The following CCDC7 variants were observed in gnomAD, a reference collection of about 807,000 sequenced individuals.
The protein encoded by CCDC7 is coiled-coil domain containing 7.
CCDC7 carries 183 observed loss-of-function variants against 196.9 expected under a neutral mutation model. The ratio of observed to expected loss-of-function variants is 0.93; its 90% confidence interval spans 0.82 to 1.05. CCDC7 has a LOEUF of 1.05. Among genes scored for constraint, CCDC7 ranks in the 50% least tolerant of loss-of-function variants. The pLI, the probability that CCDC7 is intolerant of heterozygous loss-of-function variation, is 0.00. For missense variants in CCDC7, 1,540 were observed against 1,482.2 expected (o/e 1.04, Z -0.64); for synonymous variants, 525 against 484.6 (o/e 1.08, Z -1.10).
intron 36 of CCDC7, 75 bp downstream of exon 37, chr10:32,846,034 T>A: frequency 9.3e-7 from 1 of 1,076,994 alleles, no homozygotes; most frequent in Non-Finnish European, 1.4e-6. Flanking sequence ...GTATAGACCT[T>A]TAATGACAAC....
At chr10:32,758,775 G>A (rs575005554) in intron 28 of CCDC7, among the ~76,000 whole-genome samples, 1 of 152,030 alleles carries the variant, frequency 6.6e-6, no homozygotes, top group Admixed American at 6.6e-5. Context: ...GGAAATAAAG[G>A]GTATTCAATT....
intron 21 of CCDC7, among the ~76,000 whole-genome samples, chr10:32,664,923 TC>T (rs2072317581): frequency 6.6e-6 from 1 of 152,112 alleles, no homozygotes; most frequent in African/African-American, 2.4e-5. Flanking sequence ...TAATTTACAT[TC>T]CCACCAACAG....
Position 32,872,721 on chromosome 10 carries a change from T to C in CCDC7, c.4112-3626T>C, listed in dbSNP as rs1182275877. On this transcript the variant is annotated intron_variant, in intron 41 of 41. Transcript: ENST00000639629. Reference sequence around the variant, plus strand: ...TTAGTGCTTCCTTCAGGAGCTCTTTTAGGGCAGGCCTGGTGGTGACAAAAT... The same window carrying C: ...TTAGTGCTTCCTTCAGGAGCTCTTTCAGGGCAGGCCTGGTGGTGACAAAAT... Among the ~76,000 whole-genome samples, 3 of 151,722 alleles carry C rather than the reference T, an allele frequency of 2.0e-5. No individual in the cohort carries two copies. The East Asian group carries it at 5.8e-4, about 29-fold the overall frequency.
At chr10:32,673,354 T>C (rs2074371505) in intron 21 of CCDC7, among the ~76,000 whole-genome samples, 1 of 152,118 alleles carries the variant, frequency 6.6e-6, no homozygotes, top group Non-Finnish European at 1.5e-5. Context: ...ATAGGAATTG[T>C]ACATCACTTT....
chr10:32,674,257 G>A (rs891229693), intron 21 of CCDC7, among the ~76,000 whole-genome samples: 12 of 151,772 alleles, frequency 7.9e-5, no homozygotes, highest in Middle Eastern at 3.2e-3. Flanking sequence ...GCTGCATCCT[G>A]CTGTAAGTTT....
In CCDC7 at chr10:32,720,699, G is replaced by C. The variant is rs1434530828; in HGVS notation, c.2570-6035G>C. Among the ~76,000 whole-genome samples, 3 of 152,224 alleles carry C rather than the reference G, an allele frequency of 2.0e-5. No homozygotes were observed. The East Asian group carries it at 5.8e-4, about 29-fold the overall frequency. The stretch of plus-strand genomic sequence containing the variant: ...TTGTGGCATTCAGTGCACTTTCTGA[G>C]ACCCATTGGCATAGTTGATGACCCT... On this transcript the variant is annotated intron_variant, in intron 25 of 41. Coordinates refer to ENST00000639629, the Ensembl canonical transcript of CCDC7.
intron 14 of CCDC7, among the ~76,000 whole-genome samples, chr10:32,566,620 A>T (rs1198370676): frequency 6.6e-6 from 1 of 152,052 alleles, no homozygotes; most frequent in Non-Finnish European, 1.5e-5. Flanking sequence ...ATAAACATTT[A>T]AAAAATTTGG....
intron 24 of CCDC7, among the ~76,000 whole-genome samples, chr10:32,706,589 G>T (rs2079803677): frequency 6.6e-6 from 1 of 151,890 alleles, no homozygotes; most frequent in South Asian, 2.1e-4. Flanking sequence ...TAATAAAGAA[G>T]AAAAGAGAGA....
intron 8 of CCDC7, among the ~76,000 whole-genome samples, chr10:32,477,041 C>A (rs2134029591): frequency 7.0e-6 from 1 of 143,582 alleles, no homozygotes; most frequent in South Asian, 2.3e-4. Context: ...TTTTGCAGAG[C>A]CAGAATAAAG....
rs1036887995 is a variant in CCDC7, at chr10:32,804,983, C to T, written c.3014-32C>T. The T allele has an allele frequency of 7.8e-6, 11 of 1,410,458 alleles. No individual in the cohort carries two copies. The African/African-American group carries it at 1.4e-4, about 18-fold the overall frequency. The allele number at this position is 1,410,458 out of a possible 1,614,324, so 87.4% of individuals were successfully genotyped here. On this transcript the variant is annotated intron_variant, in intron 29 of 41. Coordinates refer to ENST00000639629, the Ensembl canonical transcript of CCDC7. ...ACATTCCTATGTAAGGATTACCTCG[C>T]AAAGTATTTTTAAATCCATCTATTT...
chr10:32,534,133 C>G (rs2050112308), intron 11 of CCDC7, among the ~76,000 whole-genome samples: 1 of 151,964 alleles, frequency 6.6e-6, no homozygotes, highest in African/African-American at 2.4e-5. Flanking sequence ...TTTCAAATAG[C>G]CAATCTTAGA....
chr10:32,714,337 G>A (rs2081275998), intron 25 of CCDC7, among the ~76,000 whole-genome samples: 1 of 152,138 alleles, frequency 6.6e-6, no homozygotes, highest in Non-Finnish European at 1.5e-5. Flanking sequence ...AAGCCGTGAG[G>A]GACTGTGCCA....
intron 13 of CCDC7, among the ~76,000 whole-genome samples, chr10:32,557,741 G>C (rs989297140): frequency 4.0e-5 from 6 of 151,892 alleles, no homozygotes; most frequent in African/African-American, 1.5e-4. Context: ...ACCCAGGCTG[G>C]AGTACAGTGG....
At chr10:32,837,314 A>G (rs2092681901) in intron 33 of CCDC7, among the ~76,000 whole-genome samples, 1 of 152,214 alleles carries the variant, frequency 6.6e-6, no homozygotes, top group Non-Finnish European at 1.5e-5. Flanking sequence ...GCCAAAAGAC[A>G]CATGAAAAAA....
intron 8 of CCDC7, among the ~76,000 whole-genome samples, chr10:32,477,773 TGTCA>T (rs1195422050): frequency 6.6e-6 from 1 of 152,198 alleles, no homozygotes; most frequent in Non-Finnish European, 1.5e-5. Context: ...AGTTGGGTAG[TGTCA>T]GTCCTCCAAC....
chr10:32,640,321 T>G (rs1345557665), intron 20 of CCDC7, among the ~76,000 whole-genome samples: 1 of 152,078 alleles, frequency 6.6e-6, no homozygotes, highest in Non-Finnish European at 1.5e-5. Context: ...CTTTTGATCT[T>G]TGTTGGTTTA....
intron 31 of CCDC7, among the ~76,000 whole-genome samples, chr10:32,816,651 G>A (rs979642941): frequency 3.9e-5 from 6 of 152,136 alleles, no homozygotes; most frequent in African/African-American, 1.4e-4. Flanking sequence ...CCAGAGGAAC[G>A]ATCAGGCAGC....
At chr10:32,444,551 AT>A (rs2030540336), upstream of CCDC7, among the ~76,000 whole-genome samples, 1 of 152,178 alleles carries the variant, frequency 6.6e-6, no homozygotes, top group South Asian at 2.1e-4. Flanking sequence ...GATGTAATCT[AT>A]TTTCAGGGTT....
At chr10:32,526,090 C>A (rs566577911) in intron 11 of CCDC7, among the ~76,000 whole-genome samples, 9 of 152,184 alleles carry the variant, frequency 5.9e-5, no homozygotes, top group Non-Finnish European at 1.2e-4. Flanking sequence ...AGCATTTTAC[C>A]TGATGTTTTC....
Sources: allele counts gnomAD v4.1 joint callset (sites outside exome capture counted in the v4.1 genomes callset), GRCh38; gene constraint gnomAD v4.1.1; transcripts MANE v1.5; gene names NCBI Gene and HGNC (gene_info 2026-07-23, HGNC 2026-07-21).